Variants in ASTN2 observed in about 807,000 individuals in gnomAD.
ASTN2 encodes the protein astrotactin-2.
In ASTN2, 54 loss-of-function variants were observed where a neutral mutation model predicts 139.8. The ratio of observed to expected loss-of-function variants is 0.39; its 90% CI spans 0.31 to 0.48. The LOEUF (loss-of-function observed/expected upper bound fraction) is 0.48. ASTN2 is among the 20% of genes least tolerant of loss of function. The pLI is 0.95. For missense variants in ASTN2, 1,565 were observed against 1,725.1 expected, an observed-to-expected ratio of 0.91 and a Z score of 1.64; for synonymous variants, 756 against 719.5, an observed-to-expected ratio of 1.05 and a Z score of -0.81.
intron 10 of ASTN2, among the ~76,000 whole-genome samples, chr9:116,870,778 C>A (rs748156996): frequency 2.0e-5 from 3 of 152,146 alleles, no homozygotes; most frequent in Admixed American, 1.3e-4. Flanking sequence ...CAGATGCTGA[C>A]ATGGCCTGCT....
intron 5 of ASTN2, among the ~76,000 whole-genome samples, chr9:117,049,491 T>C (rs1459349956): frequency 6.6e-6 from 1 of 152,148 alleles, no homozygotes; most frequent in Non-Finnish European, 1.5e-5. Context: ...TATACAAAGG[T>C]TGTAAATAAT....
At chr9:116,654,398 G>C (rs1164866045) in intron 16 of ASTN2, among the ~76,000 whole-genome samples, 6 of 152,178 alleles carry the variant, frequency 3.9e-5, no homozygotes, top group Non-Finnish European at 4.4e-5. Flanking sequence ...TGGGGAAACT[G>C]AGTTTCAGAG....
chr9:117,216,468 A>G (rs1231831692), intron 2 of ASTN2, among the ~76,000 whole-genome samples: 1 of 152,244 alleles, frequency 6.6e-6, no homozygotes, highest in African/African-American at 2.4e-5. Flanking sequence ...ATGTCATAAC[A>G]TAAAAACAAA....
intron 13 of ASTN2, among the ~76,000 whole-genome samples, chr9:116,803,766 C>T (rs1010622213): frequency 5.3e-5 from 8 of 151,068 alleles, no homozygotes; most frequent in Admixed American, 2.6e-4. Context: ...CCTCATGATC[C>T]GCCTGCCTCA....
Position 116,811,665 on chromosome 9 carries a change from T to C in ASTN2, c.2208-5845A>G, listed in dbSNP as rs532232269. ...TGGTGTCATAATCTATTAAGGAAAATGACAATCCTTATCATGGGGATGTGA... is the reference window on the plus strand; with the variant it reads ...TGGTGTCATAATCTATTAAGGAAAACGACAATCCTTATCATGGGGATGTGA... On this transcript the variant is annotated intron_variant, in intron 12 of 22. Transcript: ENST00000313400. 2.0e-5 allele frequency among the ~76,000 whole-genome samples: 3 copies of C among 152,296 alleles called. No homozygotes were observed. The East Asian group carries it at 5.8e-4, about 29-fold the overall frequency.
Position 116,425,365 on chromosome 9 carries a change from G to C in ASTN2, c.*486C>G, listed in dbSNP as rs1360680377. On this transcript the variant is annotated 3_prime_UTR_variant, in exon 23 of 23. Coordinates refer to ENST00000313400, the MANE Select transcript of ASTN2 (RefSeq NM_001365068.1). ...GAGAGAGAAGTCCTTAAAGACCCAT[G>C]CTTCCTCACTGCAACCATCCTCAGA... The C allele has an allele frequency of 5.0e-6, 3 of 596,460 alleles. No individual in the cohort carries two copies. The highest frequency in any genetic ancestry group is 9.0e-6 in the Non-Finnish European group (3 of 333,994). 36.9% of individuals were successfully genotyped at this position (596,460 alleles called of 1,614,324 possible). A position where few individuals can be genotyped will look rare whatever the true frequency, so the allele number is the denominator to read the frequency against.
intron 3 of ASTN2, among the ~76,000 whole-genome samples, chr9:117,203,205 C>A (rs997065882): frequency 6.6e-6 from 1 of 151,914 alleles, no homozygotes; most frequent in African/African-American, 2.4e-5. Context: ...ATCTTCTTCT[C>A]TAAACTGGTT....
chr9:116,477,515 C>G (rs936788078), intron 20 of ASTN2, among the ~76,000 whole-genome samples: 1 of 151,958 alleles, frequency 6.6e-6, no homozygotes, highest in Non-Finnish European at 1.5e-5. Flanking sequence ...AGCCCAGAAT[C>G]AGATAATAGG....
chr9:117,218,960 A>G (rs1588095675), intron 2 of ASTN2, among the ~76,000 whole-genome samples: 1 of 152,228 alleles, frequency 6.6e-6, no homozygotes, highest in Non-Finnish European at 1.5e-5. Context: ...AGTGCCTGGC[A>G]CATGGTAAAC....
At chr9:117,001,862 A>G (rs1027074476) in intron 7 of ASTN2, among the ~76,000 whole-genome samples, 1 of 152,060 alleles carries the variant, frequency 6.6e-6, no homozygotes, top group Non-Finnish European at 1.5e-5. Context: ...TTATTTTTAT[A>G]CCTGTGAGAA....
chr9:116,765,847 G>A (rs951201978), intron 13 of ASTN2, among the ~76,000 whole-genome samples: 3 of 152,092 alleles, frequency 2.0e-5, no homozygotes, highest in African/African-American at 7.2e-5. Flanking sequence ...AAATATGAAG[G>A]TGGTCACCAG....
In ASTN2 at chr9:116,438,031, T is replaced by C. The variant is rs75565821; in HGVS notation, c.3782+2578A>G. On this transcript the variant is annotated intron_variant, in intron 22 of 22. Coordinates refer to ENST00000313400, the MANE Select transcript of ASTN2 (RefSeq NM_001365068.1). ...ACTCTGGGCAGCTCATTTTGCCCCA[T>C]GGGACCTCAATTTCCTTATCGTCCA... 3.4e-3 allele frequency among the ~76,000 whole-genome samples: 516 copies of C among 152,330 alleles called. 14 individuals carry two copies. The East Asian group carries it at 0.06, about 18-fold the overall frequency.
intron 2 of ASTN2, among the ~76,000 whole-genome samples, chr9:117,223,148 T>C (rs1832582723): frequency 6.6e-6 from 1 of 152,148 alleles, no homozygotes; most frequent in Admixed American, 6.5e-5. Context: ...GGAAAGATCA[T>C]AGTGGGCATG....
chr9:117,057,762 C>T (rs10759891), intron 5 of ASTN2, among the ~76,000 whole-genome samples: 70,815 of 151,934 alleles, frequency 0.47, 17,165 homozygotes, highest in East Asian at 0.72. Context: ...GTCAGCAGCT[C>T]GAGGCAAGAA....
intron 7 of ASTN2, among the ~76,000 whole-genome samples, chr9:117,000,042 C>T (rs12343973): frequency 0.11 from 16,806 of 152,018 alleles, 993 homozygotes; most frequent in African/African-American, 0.13. Flanking sequence ...TTGGATTAAA[C>T]GTCTCATGAA....
At chr9:117,296,277 CAAAAAAAAAAAAAAA>C (rs5900277) in intron 1 of ASTN2, among the ~76,000 whole-genome samples, 1 of 71,004 alleles carries the variant, frequency 1.4e-5, no homozygotes, top group African/African-American at 6.0e-5. Context: ...GACTGCATCT[CAAAAAAAAAAAAAAA>C]AAAAAAAAAA....
chr9:116,736,585 A>G (rs1828933572), intron 13 of ASTN2, among the ~76,000 whole-genome samples: 1 of 152,178 alleles, frequency 6.6e-6, no homozygotes, highest in South Asian at 2.1e-4. Context: ...GGAGAGAGTT[A>G]GCTATTCACC....
rs576112453 is a variant in ASTN2 at position 116,813,024 on chromosome 9, A to T, written c.2208-7204T>A. Among the ~76,000 whole-genome samples, 481 of 152,206 alleles carry T rather than the reference A, an allele frequency of 3.2e-3. 1 individual carries two copies. The highest frequency in any genetic ancestry group is 4.2e-3 in the Non-Finnish European group (285 of 68,002). The stretch of plus-strand genomic sequence containing the variant: ...TCTATTTAGTTGTTGGGTTTTTTTT[A>T]AATTTTATTTTTGTACTATGACACA... On this transcript the variant is annotated intron_variant, in intron 12 of 22. Coordinates refer to ENST00000313400, the MANE Select transcript of ASTN2 (RefSeq NM_001365068.1).
chr9:117,242,003 T>A (rs1427133472), intron 2 of ASTN2, among the ~76,000 whole-genome samples: 1 of 69,324 alleles, frequency 1.4e-5, no homozygotes. Context: ...CTTTGGCAAG[T>A]CTTTTTTTTT....
Sources: gnomAD v4.1 joint callset for allele counts (sites outside exome capture counted in the v4.1 genomes callset) on GRCh38, gnomAD v4.1.1 for gene constraint, MANE v1.5 for transcripts, NCBI Gene and HGNC (gene_info 2026-07-23, HGNC 2026-07-21) for gene names.